FLNB: variants seen among roughly 807,000 people sequenced by gnomAD.
The protein encoded by FLNB is filamin-B.
Under a neutral mutation model 250.6 loss-of-function variants are expected in FLNB, and 111 were observed. That is an observed-to-expected ratio of 0.44 (90% confidence interval 0.38 to 0.52). The LOEUF is 0.52. Among genes scored for constraint, FLNB ranks in the 20% least tolerant of loss-of-function variants. The pLI is 0.00. For missense variants in FLNB, 2,869 were observed against 3,447.8 expected (o/e 0.83, Z 4.20); for synonymous variants, 1,302 against 1,372.1 (o/e 0.95, Z 1.13).
chr3:58,066,227 T>G (rs960581075), intron 1 of FLNB, among the ~76,000 whole-genome samples: 1 of 151,492 alleles, frequency 6.6e-6, no homozygotes. Context: ...CTTTTTTTTT[T>G]TTTTGAGACA....
At chr3:58,168,194 G>C (rs1382955007) in intron 43 of FLNB, among the ~76,000 whole-genome samples, 1 of 152,218 alleles carries the variant, frequency 6.6e-6, no homozygotes, top group Non-Finnish European at 1.5e-5. Context: ...GGGTGTCCAG[G>C]CTGTTGGTGC....
intron 43 of FLNB, among the ~76,000 whole-genome samples, chr3:58,167,600 G>C (rs2097372951): frequency 6.6e-6 from 1 of 152,234 alleles, no homozygotes; most frequent in African/African-American, 2.4e-5. Context: ...CCCTGGGCCA[G>C]CTAAGTTGTC....
chr3:58,010,730 AAAC>A (rs1392251552), intron 1 of FLNB, among the ~76,000 whole-genome samples: 1 of 152,198 alleles, frequency 6.6e-6, no homozygotes, highest in African/African-American at 2.4e-5. Context: ...GAAATCTCTA[AAAC>A]AACAACAAAA....
At chr3:58,028,985 G>C (rs564123965) in intron 1 of FLNB, among the ~76,000 whole-genome samples, 1 of 152,064 alleles carries the variant, frequency 6.6e-6, no homozygotes. Context: ...GGGAGGCTGG[G>C]GCAGGAGGAT....
chr3:58,105,045 C>T lies in FLNB; in HGVS notation c.1611-35C>T, dbSNP rs1378825728. 3 of 1,614,032 alleles carry T rather than the reference C, an allele frequency of 1.9e-6. No individual in the cohort carries two copies. The East Asian group carries it at 6.7e-5, about 36-fold the overall frequency. On this transcript the variant is annotated intron_variant, in intron 10 of 45. Coordinates refer to ENST00000295956, the MANE Select transcript of FLNB (RefSeq NM_001457.4). Reference sequence around the variant, plus strand: ...GGCTATAGTGACACCTTACTTTACTCTTCTTTGATGCTTCTTCTATTCCTT... The same window carrying T: ...GGCTATAGTGACACCTTACTTTACTTTTCTTTGATGCTTCTTCTATTCCTT...
intron 1 of FLNB, among the ~76,000 whole-genome samples, chr3:58,047,997 ATTC>A (rs2097156660): frequency 6.6e-6 from 1 of 152,220 alleles, no homozygotes; most frequent in Non-Finnish European, 1.5e-5. Flanking sequence ...TTCCCAGGAC[ATTC>A]TTCTAACCAC....
chr3:58,058,636 C>G (rs998738393), intron 1 of FLNB, among the ~76,000 whole-genome samples: 1 of 152,144 alleles, frequency 6.6e-6, no homozygotes, highest in African/African-American at 2.4e-5. Context: ...GGTGTGCTTC[C>G]CTTTAGCATC....
At chr3:58,144,918 A>T (rs1442423454) in intron 32 of FLNB, among the ~76,000 whole-genome samples, 2 of 152,200 alleles carry the variant, frequency 1.3e-5, no homozygotes, top group Non-Finnish European at 2.9e-5. Flanking sequence ...GAACATTTGG[A>T]TCCACGGCCT....
rs1453298024 is a variant in FLNB, at chr3:58,171,409, C to G, written c.*647C>G. ...GCCCACATGTCTCTCAAGTACCTGT[C>G]CCCTCGCTCTGGTGATTATTTCTTG... On this transcript the variant is annotated 3_prime_UTR_variant, in exon 46 of 46. Transcript: ENST00000295956. The surrounding 1 kb of genome is among the most constrained non-coding windows in gnomAD (Gnocchi z 5.5). 1 of 152,692 alleles carries G rather than the reference C, an allele frequency of 6.5e-6. No homozygotes were observed. Among genetic ancestry groups the G allele is most frequent in the African/African-American group, 2.4e-5 (1 of 41,414 alleles). 9.5% of individuals were successfully genotyped at this position (152,692 alleles called of 1,614,324 possible).
At chr3:58,033,650 C>T (rs2097134026) in intron 1 of FLNB, among the ~76,000 whole-genome samples, 1 of 152,150 alleles carries the variant, frequency 6.6e-6, no homozygotes. Context: ...CTTGGCCTCC[C>T]AAAGTGCTAG....
chr3:58,096,039 A>G (rs1257856359), intron 5 of FLNB, 102 bp from the exon 6 acceptor site: 1 of 859,426 alleles, frequency 1.2e-6, no homozygotes, highest in Non-Finnish European at 2.0e-6. Context: ...CAGCACCTTC[A>G]GTGTTTCCGA....
chr3:58,139,696 G>A (rs951211595), intron 29 of FLNB, among the ~76,000 whole-genome samples: 4 of 152,188 alleles, frequency 2.6e-5, no homozygotes, highest in African/African-American at 4.8e-5. Context: ...AAATACAGCT[G>A]GGAAGTTGAT....
chr3:58,074,902 T>G (rs2097199580), intron 1 of FLNB, among the ~76,000 whole-genome samples: 1 of 152,180 alleles, frequency 6.6e-6, no homozygotes, highest in South Asian at 2.1e-4. Flanking sequence ...TTTTCCAGGT[T>G]AGATGATCGA....
rs1196310024 is a variant in FLNB at position 58,112,322 on chromosome 3, G to A, written c.2745+4G>A. The stretch of plus-strand genomic sequence containing the variant: ...TAAATATACACCCACCCAACAGGTA[G>A]GGTCCTTCTCCCCTCTGCTCCCCTG... On this transcript the variant is annotated splice_donor_region_variant and intron_variant, in intron 18 of 45. Transcript: ENST00000295956. 57 of 1,613,036 alleles carry A rather than the reference G, an allele frequency of 3.5e-5. No homozygotes were observed. Among genetic ancestry groups the A allele is most frequent in the Non-Finnish European group, 4.7e-5 (56 of 1,179,928 alleles).
chr3:58,040,105 G>A lies in FLNB; in HGVS notation c.292+31249G>A, dbSNP rs373533009. Among the ~76,000 whole-genome samples the A allele has an allele frequency of 2.1e-3, 315 of 152,228 alleles. 2 individuals carry two copies. Among genetic ancestry groups the A allele is most frequent in the Non-Finnish European group, 1.9e-3 (127 of 68,004 alleles). ...GGTTGCAGTGAGCTGAGACTGTGCC[G>A]TTGTACTCTAGCCTGGGCAACAAGA... is the stretch of plus-strand genomic sequence containing the variant. On this transcript the variant is annotated intron_variant, in intron 1 of 45. Coordinates refer to ENST00000295956, the MANE Select transcript of FLNB (RefSeq NM_001457.4).
intron 18 of FLNB, among the ~76,000 whole-genome samples, chr3:58,117,578 T>C (rs1198022112): frequency 6.6e-6 from 1 of 152,268 alleles, no homozygotes; most frequent in East Asian, 1.9e-4. Context: ...ACGTTGGGAA[T>C]GCCACGTTGG....
chr3:58,047,319 T>G (rs1343757283), intron 1 of FLNB, among the ~76,000 whole-genome samples: 1 of 152,190 alleles, frequency 6.6e-6, no homozygotes, highest in African/African-American at 2.4e-5. Flanking sequence ...CAGTTTTCAT[T>G]TTAGCAATAA....
Position 58,138,403 on chromosome 3 carries a change from G to A in FLNB, c.4983G>A (p.Glu1661=). The change falls in exon 29 of 46, where the codon GAG becomes GAA. Residue 1661 remains glutamate, a synonymous_variant. Coordinates refer to ENST00000295956, the MANE Select transcript of FLNB (RefSeq NM_001457.4). ...TVLTPDGTEA[E]ADVIENEDGT... is the part of the protein sequence containing the mutation. ...TGACCCCAGATGGCACTGAGGCCGA[G>A]GCCGATGTCATTGAGAATGAAGATG... The A allele has an allele frequency of 6.2e-7, 1 of 1,614,212 alleles. No homozygotes were observed. The highest frequency in any genetic ancestry group is 2.2e-5 in the East Asian group (1 of 44,890).
intron 19 of FLNB, among the ~76,000 whole-genome samples, chr3:58,120,617 C>T (rs962110412): frequency 3.3e-5 from 5 of 152,202 alleles, no homozygotes; most frequent in African/African-American, 4.8e-5. Context: ...TCAATCGGCT[C>T]GCATTTGGCA....
Sources: allele counts gnomAD v4.1 joint callset (sites outside exome capture counted in the v4.1 genomes callset), GRCh38; gene constraint gnomAD v4.1.1; non-coding constraint Gnocchi (gnomAD v3.1); transcripts MANE v1.5; gene names NCBI Gene and HGNC (gene_info 2026-07-23, HGNC 2026-07-21).